Variants in MAML3 observed in about 807,000 individuals in gnomAD.
MAML3 encodes the protein mastermind-like protein 3.
A neutral mutation model predicts 101.9 loss-of-function variants in MAML3; 27 were observed. The observed-to-expected ratio is 0.27, with a 90% CI of 0.20 to 0.37. MAML3 has a LOEUF of 0.37. Among genes scored for constraint, MAML3 ranks in the 10% least tolerant of loss-of-function variants. The probability of loss-of-function intolerance (pLI) is 1.00; values close to 1 mark genes in which losing one functional copy is unlikely to be tolerated. For synonymous variants in MAML3, 501 were observed against 555.9 expected, an observed-to-expected ratio of 0.90 and a Z score of 1.39; for missense variants, 1,316 against 1,444.9, an observed-to-expected ratio of 0.91 and a Z score of 1.45.
At chr4:140,068,296 C>T (rs1422725114) in intron 1 of MAML3, among the ~76,000 whole-genome samples, 1 of 152,176 alleles carries the variant, frequency 6.6e-6, no homozygotes, top group African/African-American at 2.4e-5. Context: ...ACTCTCCCAT[C>T]AACCTGAGCA....
At chr4:139,853,037 C>T (rs948575651) in intron 2 of MAML3, among the ~76,000 whole-genome samples, 1 of 152,192 alleles carries the variant, frequency 6.6e-6, no homozygotes, top group Non-Finnish European at 1.5e-5. Flanking sequence ...TACTACTACC[C>T]TCTTGTGTTA....
Position 140,154,083 on chromosome 4 carries a change from G to C in MAML3, c.-756C>G. 1 of 173,174 alleles carries C rather than the reference G, an allele frequency of 5.8e-6. No homozygotes were observed. The highest frequency in any genetic ancestry group is 1.2e-5 in the Non-Finnish European group (1 of 80,482). The allele number at this position is 173,174 out of a possible 1,614,324, so 10.7% of individuals were successfully genotyped here. On this transcript the variant is annotated 5_prime_UTR_variant, in exon 1 of 5. Coordinates refer to ENST00000509479, the MANE Select transcript of MAML3 (RefSeq NM_018717.5). ...GGCTGCCGCTGCCGCCGCTGCTCCT[G>C]CCACCATCACAATGATCAACTGCTC...
At chr4:140,000,143 G>C (rs1450095223) in intron 1 of MAML3, among the ~76,000 whole-genome samples, 1 of 152,166 alleles carries the variant, frequency 6.6e-6, no homozygotes, top group Non-Finnish European at 1.5e-5. Flanking sequence ...ATCTGATTGA[G>C]ATGTTGCTAA....
Position 139,927,072 on chromosome 4 carries a change from CT to C in MAML3, c.469-36106del, listed in dbSNP as rs61573991. On this transcript the variant is annotated intron_variant, in intron 1 of 4. Transcript: ENST00000509479. ...TGTTTAATGAGTTTTTTTCTTTTTT[CT>C]TTTTTTTTTTTTTGTACTTTTTGTA... 1.3e-3 allele frequency among the ~76,000 whole-genome samples: 169 copies of C among 134,688 alleles called. 1 individual carries two copies. Among genetic ancestry groups the C allele is most frequent in the East Asian group, 0.01 (48 of 4,712 alleles). The allele number at this position is 134,688 out of a possible 152,430, so 88.4% of individuals were successfully genotyped here. A position where few individuals can be genotyped will look rare whatever the true frequency, so the allele number is the denominator to read the frequency against.
At chr4:140,152,004 TAAAAGGAA>T (rs1560910072) in intron 1 of MAML3, among the ~76,000 whole-genome samples, 1 of 152,098 alleles carries the variant, frequency 6.6e-6, no homozygotes, top group Non-Finnish European at 1.5e-5. Context: ...CACGCAAGTT[TAAAAGGAA>T]AAAAGGAAAG....
At position 139,999,406 on chromosome 4, in the gene MAML3, C is replaced by T. The variant is rs1156685568; in HGVS notation, c.469-108439G>A. ...AACTGCATTAGGGATGGATGCAACC[C>T]TAGGCAACAATTCCACAGATTCCCA... On this transcript the variant is annotated intron_variant, in intron 1 of 4. Transcript: ENST00000509479. Among the ~76,000 whole-genome samples, 8 of 152,204 alleles carry T rather than the reference C, an allele frequency of 5.3e-5. No homozygotes were observed. In the East Asian group the frequency reaches 1.5e-3, roughly 29 times the overall value.
intron 1 of MAML3, among the ~76,000 whole-genome samples, chr4:139,896,893 G>C (rs565045731): frequency 8.5e-5 from 13 of 152,262 alleles, no homozygotes; most frequent in Non-Finnish European, 1.3e-4. Flanking sequence ...TGTGGTGGGC[G>C]AGGGTGCATG....
intron 2 of MAML3, among the ~76,000 whole-genome samples, chr4:139,788,531 T>A (rs1197902014): frequency 6.6e-6 from 1 of 152,208 alleles, no homozygotes; most frequent in Non-Finnish European, 1.5e-5. Flanking sequence ...AATCCTCCCA[T>A]TTTTAAAGTT....
chr4:140,147,869 G>A (rs1456587869), intron 1 of MAML3, among the ~76,000 whole-genome samples: 1 of 152,040 alleles, frequency 6.6e-6, no homozygotes, highest in Non-Finnish European at 1.5e-5. Context: ...TCTTACACTG[G>A]ATCCCTTCTA....
chr4:140,145,878 C>CTTTCTTTT (rs1553981312), intron 1 of MAML3, among the ~76,000 whole-genome samples: 76 of 108,496 alleles, frequency 7.0e-4, no homozygotes, highest in Non-Finnish European at 5.1e-4. Context: ...TTTCTTTTTT[C>CTTTCTTTT]TTTTTTTTTT....
chr4:139,964,069 C>T (rs1259539357), intron 1 of MAML3, among the ~76,000 whole-genome samples: 1 of 152,130 alleles, frequency 6.6e-6, no homozygotes, highest in African/African-American at 2.4e-5. Flanking sequence ...TTAAAAATAC[C>T]TTTTGACCCA....
At chr4:139,969,824 T>G (rs903019169) in intron 1 of MAML3, among the ~76,000 whole-genome samples, 2 of 152,132 alleles carry the variant, frequency 1.3e-5, no homozygotes, top group African/African-American at 4.8e-5. Flanking sequence ...GCCCTGACTA[T>G]ACCGGCGATT....
intron 1 of MAML3, among the ~76,000 whole-genome samples, chr4:140,008,869 T>C (rs900762367): frequency 6.6e-6 from 1 of 152,226 alleles, no homozygotes; most frequent in African/African-American, 2.4e-5. Flanking sequence ...GATCCATGTG[T>C]ATTATTTCGC....
At chr4:139,858,448 T>C (rs939506018) in intron 2 of MAML3, among the ~76,000 whole-genome samples, 1 of 97,060 alleles carries the variant, frequency 1.0e-5, no homozygotes, top group Non-Finnish European at 2.1e-5. Flanking sequence ...CTGATGATTC[T>C]TGGCTTTTTT....
chr4:139,745,032 C>T (rs1021042224), intron 2 of MAML3, among the ~76,000 whole-genome samples: 5 of 152,222 alleles, frequency 3.3e-5, no homozygotes, highest in Non-Finnish European at 5.9e-5. Flanking sequence ...GGTTTCTACT[C>T]GCTCTAACAT....
rs1360305003 is a variant in MAML3, at chr4:139,890,270, G to A, written c.1166C>T (p.Ser389Phe). ...SSSGPPFSTV[S>F]TATSLPSVAS... ...AACAGAAGGTAAACTAGTGGCCGTG[G>A]AGACAGTAGAAAAGGGAGGACCAGA... The change falls in exon 2 of 5, where the codon TCC becomes TTC. Residue 389 changes from serine (S) to phenylalanine (F), a missense_variant. Coordinates refer to ENST00000509479, the MANE Select transcript of MAML3 (RefSeq NM_018717.5). The surrounding 1 kb of genome is among the most constrained non-coding windows in gnomAD (Gnocchi z 4.1). 6.2e-7 allele frequency: 1 copy of A among 1,613,930 alleles called. No individual in the cohort carries two copies. Among genetic ancestry groups the A allele is most frequent in the East Asian group, 2.2e-5 (1 of 44,888 alleles).
At chr4:140,048,049 A>G (rs1727210137) in intron 1 of MAML3, among the ~76,000 whole-genome samples, 1 of 152,162 alleles carries the variant, frequency 6.6e-6, no homozygotes, top group South Asian at 2.1e-4. Context: ...TTACGAAGAC[A>G]TTTTAGTTTT....
chr4:139,977,905 C>CAAA, intron 1 of MAML3, among the ~76,000 whole-genome samples: 1 of 150,882 alleles, frequency 6.6e-6, no homozygotes, highest in African/African-American at 2.4e-5. Flanking sequence ...AAAAAAAAAA[C>CAAA]AAAAAAAGGA....
At chr4:139,928,655 G>A (rs576345652) in intron 1 of MAML3, among the ~76,000 whole-genome samples, 1 of 152,274 alleles carries the variant, frequency 6.6e-6, no homozygotes, top group Admixed American at 6.5e-5. Context: ...GGCATGTCAA[G>A]GAAACAGAAA....
Sources: gnomAD v4.1 joint callset for allele counts (sites outside exome capture counted in the v4.1 genomes callset) on GRCh38, gnomAD v4.1.1 for gene constraint, Gnocchi (gnomAD v3.1) non-coding constraint, MANE v1.5 for transcripts, NCBI Gene and HGNC (gene_info 2026-07-23, HGNC 2026-07-21) for gene names.